MEF2D: variants seen among roughly 807,000 people sequenced by gnomAD.
MEF2D encodes the protein myocyte-specific enhancer factor 2D.
MEF2D carries 10 observed loss-of-function variants against 59.3 expected under a neutral mutation model. That is an observed-to-expected ratio of 0.17 (90% CI 0.10 to 0.29). The LOEUF (loss-of-function observed/expected upper bound fraction) is 0.29. MEF2D is among the 10% of genes least tolerant of loss of function. MEF2D has a pLI of 1.00. For missense variants in MEF2D, 508 were observed against 699.4 expected (o/e 0.73, Z 3.09); for synonymous variants, 305 against 295.0 (o/e 1.03, Z -0.35).
In MEF2D at chr1:156,468,365, T is replaced by C; in HGVS notation, c.1248-66A>G. On this transcript the variant is annotated intron_variant, in intron 10 of 11. Coordinates refer to ENST00000348159, the MANE Select transcript of MEF2D (RefSeq NM_005920.4). This position sits in a 1 kb window ranked among gnomAD's most constrained non-coding sequence, Gnocchi z 4.3. ...CAGAGGGGGTGAGTGACAGAACAAG[T>C]GATAGGACACCAGACAGAAAGTGAG... 1 of 1,179,512 alleles carries C rather than the reference T, an allele frequency of 8.5e-7. No individual in the cohort carries two copies. Among genetic ancestry groups the C allele is most frequent in the Non-Finnish European group, 1.2e-6 (1 of 836,090 alleles). 73.1% of individuals were successfully genotyped at this position (1,179,512 alleles called of 1,614,324 possible).
At chr1:156,472,039 C>T (rs1468582666) in intron 9 of MEF2D, among the ~76,000 whole-genome samples, 1 of 152,208 alleles carries the variant, frequency 6.6e-6, no homozygotes, top group Non-Finnish European at 1.5e-5. Flanking sequence ...TGGCTGACAC[C>T]AACTAACTTT....
rs750859249 is a variant in MEF2D at position 156,468,836 on chromosome 1, C to CGGCTGCTGA, written c.1182_1190dup (p.Gln398_Pro400dup). The stretch of plus-strand genomic sequence containing the variant: ...GGGACTGTTGCTGAGGTGGCTGTTG[C>CGGCTGCTGA]GGCTGCTGAGGCTGCTGTGGCTGTG... On this transcript the variant is annotated inframe_insertion, in exon 10 of 12. Coordinates refer to ENST00000348159, the MANE Select transcript of MEF2D (RefSeq NM_005920.4). The surrounding 1 kb of genome is among the most constrained non-coding windows in gnomAD (Gnocchi z 4.3). 5.6e-6 allele frequency: 9 copies of CGGCTGCTGA among 1,613,984 alleles called. No individual in the cohort carries two copies. In the African/African-American group the frequency reaches 1.1e-4, roughly 19 times the overall value.
intron 1 of MEF2D, among the ~76,000 whole-genome samples, chr1:156,486,872 A>T (rs532734308): frequency 6.6e-6 from 1 of 152,340 alleles, no homozygotes; most frequent in South Asian, 2.1e-4. Context: ...TGCTGTGAGA[A>T]GTCCTTCTTG....
intron 9 of MEF2D, among the ~76,000 whole-genome samples, chr1:156,470,226 C>G (rs1364878262): frequency 6.6e-6 from 1 of 152,106 alleles, no homozygotes; most frequent in African/African-American, 2.4e-5. Flanking sequence ...TCAAGATTAG[C>G]CTGGCCAACA....
intron 1 of MEF2D, among the ~76,000 whole-genome samples, chr1:156,490,874 T>C (rs1193812692): frequency 1.3e-5 from 2 of 152,198 alleles, no homozygotes; most frequent in Non-Finnish European, 2.9e-5. Flanking sequence ...TCACCCCAGC[T>C]TGTTCTTCCT....
intron 9 of MEF2D, among the ~76,000 whole-genome samples, chr1:156,471,999 G>A (rs994383597): frequency 3.3e-5 from 5 of 152,232 alleles, no homozygotes; most frequent in Admixed American, 3.3e-4. Context: ...GAATCTTTAA[G>A]TCTAGCCTTC....
chr1:156,476,418 C>G (rs371960439), intron 8 of MEF2D, 76 bp downstream of exon 8: 32 of 1,533,966 alleles, frequency 2.1e-5, no homozygotes, highest in Non-Finnish European at 2.6e-5. Context: ...AGGACGCACA[C>G]GTACTTCATG....
At chr1:156,478,416 G>GGCAGGAA (rs1671756458) in intron 6 of MEF2D, among the ~76,000 whole-genome samples, 2 of 152,160 alleles carry the variant, frequency 1.3e-5, no homozygotes, top group South Asian at 4.1e-4. Context: ...TGGCAGGAAT[G>GGCAGGAA]TCAGGGTGAC....
chr1:156,482,410 T>G, intron 3 of MEF2D, 27 bp downstream of exon 3: 1 of 1,612,596 alleles, frequency 6.2e-7, no homozygotes, highest in Non-Finnish European at 8.5e-7. Context: ...CGGGGGTATA[T>G]CCTGGTGCCT....
In MEF2D at chr1:156,468,388, G is replaced by A; in HGVS notation, c.1248-89C>T. Reference sequence around the variant, plus strand: ...AGTGATAGGACACCAGACAGAAAGTGAGAGAGAACAAGAGGATGAGAATAT... The same window carrying A: ...AGTGATAGGACACCAGACAGAAAGTAAGAGAGAACAAGAGGATGAGAATAT... On this transcript the variant is annotated intron_variant, in intron 10 of 11. Coordinates refer to ENST00000348159, the MANE Select transcript of MEF2D (RefSeq NM_005920.4). This position sits in a 1 kb window ranked among gnomAD's most constrained non-coding sequence, Gnocchi z 4.3. The A allele has an allele frequency of 2.1e-6, 2 of 971,002 alleles. No homozygotes were observed. Among genetic ancestry groups the A allele is most frequent in the Non-Finnish European group, 3.0e-6 (2 of 657,152 alleles). 60.1% of individuals were successfully genotyped at this position (971,002 alleles called of 1,614,324 possible).
At chr1:156,490,719 C>T (rs746527) in intron 1 of MEF2D, 35,223 of 152,234 alleles carry the variant, frequency 0.23, 4,318 homozygotes, top group Admixed American at 0.28. Context: ...CCCCTAGCTT[C>T]CGCTGGACAA....
Position 156,477,039 on chromosome 1 carries a change from C to T in MEF2D, c.828G>A (p.Gln276=). Residue 276 remains glutamine (Q), a synonymous_variant, in exon 7 of 12, where the codon CAG becomes CAA. Transcript: ENST00000348159. ...AGTGATGCATTAACCCCTTTCCTGC[C>T]TGGGAAGTGATGACTCGCAGGTCGG... ...RKPDLRVITS[Q]AGKGLMHHLT... The T allele has an allele frequency of 6.2e-7, 1 of 1,613,956 alleles. No homozygotes were observed.
chr1:156,472,961 C>T lies in MEF2D; in HGVS notation c.1006+2147G>A, dbSNP rs548658131. ...TCCTGACCTCGTGATCCGCCTGCCT[C>T]GGCCTCCCAAAGTGCTGAGATTACA... On this transcript the variant is annotated intron_variant, in intron 9 of 11. Transcript: ENST00000348159. 2.0e-3 allele frequency among the ~76,000 whole-genome samples: 301 copies of T among 152,204 alleles called. 3 individuals are homozygous for T. Among genetic ancestry groups the T allele is most frequent in the South Asian group, 2.7e-3 (13 of 4,818 alleles).
chr1:156,470,136 T>C (rs962147362), intron 9 of MEF2D, among the ~76,000 whole-genome samples: 2 of 152,242 alleles, frequency 1.3e-5, no homozygotes, highest in Non-Finnish European at 2.9e-5. Flanking sequence ...ATAGAATCAC[T>C]GAATGTTTCA....
intron 1 of MEF2D, among the ~76,000 whole-genome samples, chr1:156,495,762 C>CAAA (rs372092331): frequency 3.8e-4 from 30 of 78,010 alleles, no homozygotes; most frequent in African/African-American, 1.5e-3. Context: ...GACCAGGGGG[C>CAAA]AAAAAAAAAA....
intron 1 of MEF2D, among the ~76,000 whole-genome samples, chr1:156,486,158 C>G (rs1672343552): frequency 6.6e-6 from 1 of 152,162 alleles, no homozygotes; most frequent in African/African-American, 2.4e-5. Context: ...AGAGCAACAC[C>G]AGCCCAGCCA....
Position 156,500,570 on chromosome 1 carries a change from C to G in MEF2D, c.-223G>C, listed in dbSNP as rs1362330422. On this transcript the variant is annotated 5_prime_UTR_variant, in exon 1 of 12. Coordinates refer to ENST00000348159, the MANE Select transcript of MEF2D (RefSeq NM_005920.4). ...CCGGGGGATCTTCAACACCGGGAAG[C>G]CGCAGCTCCGGGCGGGGAGAATAAT... 1 of 152,238 alleles carries G rather than the reference C, an allele frequency of 6.6e-6. No homozygotes were observed. Among genetic ancestry groups the G allele is most frequent in the Non-Finnish European group, 1.5e-5 (1 of 68,058 alleles). 9.4% of individuals were successfully genotyped at this position (152,238 alleles called of 1,614,324 possible).
intron 9 of MEF2D, among the ~76,000 whole-genome samples, chr1:156,473,224 C>G (rs1161438144): frequency 6.6e-6 from 1 of 151,698 alleles, no homozygotes; most frequent in Non-Finnish European, 1.5e-5. Flanking sequence ...CACCATGTGG[C>G]TAGGATGGTC....
rs899466070 is a variant in MEF2D, at chr1:156,480,557, C to T, written c.396+277G>A. 36 of 1,366,950 alleles carry T rather than the reference C, an allele frequency of 2.6e-5. No individual in the cohort carries two copies. The Middle Eastern group carries it at 5.5e-4, about 21-fold the overall frequency. 84.7% of individuals were successfully genotyped at this position (1,366,950 alleles called of 1,614,324 possible). A position where few individuals can be genotyped will look rare whatever the true frequency, so the allele number is the denominator to read the frequency against. On this transcript the variant is annotated intron_variant, in intron 4 of 11. Transcript: ENST00000348159. Reference sequence around the variant, plus strand: ...CTAAGAACCCGAGCATGGCTCAGAGCGGAGCACCCATCAGGGCAGCCGAGA... The same window carrying T: ...CTAAGAACCCGAGCATGGCTCAGAGTGGAGCACCCATCAGGGCAGCCGAGA...
Sources: gnomAD v4.1 joint callset for allele counts (sites outside exome capture counted in the v4.1 genomes callset) on GRCh38, gnomAD v4.1.1 for gene constraint, Gnocchi (gnomAD v3.1) non-coding constraint, MANE v1.5 for transcripts, NCBI Gene and HGNC (gene_info 2026-07-23, HGNC 2026-07-21) for gene names.